Variants in EHBP1 observed in about 807,000 individuals in gnomAD.
EHBP1 encodes EH domain binding protein 1.
EHBP1 carries 55 observed loss-of-function variants against 144.0 expected under a neutral mutation model. The ratio of observed to expected loss-of-function variants is 0.38; its 90% CI spans 0.31 to 0.48. EHBP1 has a LOEUF of 0.48. Among genes scored for constraint, EHBP1 ranks in the 20% least tolerant of loss-of-function variants. The pLI, the probability that EHBP1 is intolerant of heterozygous loss-of-function variation, is 0.98. For synonymous variants in EHBP1, 469 were observed against 472.7 expected (o/e 0.99, Z 0.10); for missense variants, 1,200 against 1,364.2 (o/e 0.88, Z 1.90).
At position 62,762,233 on chromosome 2, in the gene EHBP1, T is replaced by C. The variant is rs145746940; in HGVS notation, c.163-2033T>C. 4.6e-5 allele frequency among the ~76,000 whole-genome samples: 7 copies of C among 152,376 alleles called. No individual in the cohort carries two copies. The East Asian group carries it at 1.3e-3, about 29-fold the overall frequency. On this transcript the variant is annotated intron_variant, in intron 3 of 22. Coordinates refer to ENST00000431489, the MANE Select transcript of EHBP1 (RefSeq NM_001142616.3). ...CACTCTTACCACTAGACTTTCAGGA[T>C]GCCACACTTTTGCTTCAACTGATGG...
intron 7 of EHBP1, among the ~76,000 whole-genome samples, chr2:62,836,813 A>G (rs2047300447): frequency 6.6e-6 from 1 of 151,024 alleles, no homozygotes; most frequent in Admixed American, 6.6e-5. Context: ...GAAATGAGCA[A>G]AGCCTCCAAG....
At chr2:63,022,886 A>G (rs541584781) in intron 19 of EHBP1, among the ~76,000 whole-genome samples, 1 of 152,286 alleles carries the variant, frequency 6.6e-6, no homozygotes, top group East Asian at 1.9e-4. Context: ...TTTTAAAAAC[A>G]TTAGAGGCCG....
chr2:62,986,725 C>T (rs1342376103), intron 15 of EHBP1, among the ~76,000 whole-genome samples: 3 of 152,144 alleles, frequency 2.0e-5, no homozygotes, highest in Non-Finnish European at 4.4e-5. Flanking sequence ...GCGTGAGCCA[C>T]CGCACCCAGT....
intron 3 of EHBP1, among the ~76,000 whole-genome samples, chr2:62,759,673 G>C (rs1352169451): frequency 6.6e-6 from 1 of 151,948 alleles, no homozygotes; most frequent in Non-Finnish European, 1.5e-5. Context: ...CAAAGTGCTG[G>C]AATTATAGGC....
chr2:62,745,340 G>T (rs2039051931), intron 2 of EHBP1, among the ~76,000 whole-genome samples: 1 of 147,516 alleles, frequency 6.8e-6, no homozygotes, highest in South Asian at 2.3e-4. Context: ...TGTCTAGGTT[G>T]TTATTGGGAA....
chr2:62,677,444 C>T (rs567655502), intron 1 of EHBP1, among the ~76,000 whole-genome samples: 2 of 152,006 alleles, frequency 1.3e-5, no homozygotes, highest in South Asian at 2.1e-4. Flanking sequence ...ATAATAATCA[C>T]GTTGGGTAAA....
chr2:62,906,627 C>G (rs1348407416), intron 10 of EHBP1, among the ~76,000 whole-genome samples: 1 of 152,088 alleles, frequency 6.6e-6, no homozygotes, highest in Non-Finnish European at 1.5e-5. Context: ...AGAAATAATA[C>G]AAAGAGATCC....
chr2:62,804,059 A>G (rs2044254734), intron 5 of EHBP1, among the ~76,000 whole-genome samples: 1 of 152,246 alleles, frequency 6.6e-6, no homozygotes, highest in Non-Finnish European at 1.5e-5. Flanking sequence ...TATAAAAAGT[A>G]GCTTCTATTG....
chr2:62,841,266 C>T (rs991157813), intron 7 of EHBP1, among the ~76,000 whole-genome samples: 52 of 147,708 alleles, frequency 3.5e-4, no homozygotes, highest in African/African-American at 2.0e-4. Flanking sequence ...CGCATATTCT[C>T]ACTCATAGGT....
At chr2:62,952,303 C>A (rs954500627) in intron 13 of EHBP1, among the ~76,000 whole-genome samples, 2 of 152,116 alleles carry the variant, frequency 1.3e-5, no homozygotes, top group Non-Finnish European at 2.9e-5. Context: ...GAATTTTGGA[C>A]AATTAAAAAT....
intron 19 of EHBP1, among the ~76,000 whole-genome samples, chr2:63,014,005 G>GT (rs2060381073): frequency 6.6e-6 from 1 of 152,170 alleles, no homozygotes; most frequent in African/African-American, 2.4e-5. Flanking sequence ...ATGTTTAGTG[G>GT]TTTTTTAATA....
chr2:62,717,954 G>T (rs1373017297), intron 2 of EHBP1, among the ~76,000 whole-genome samples: 3 of 152,112 alleles, frequency 2.0e-5, no homozygotes, highest in African/African-American at 7.2e-5. Context: ...TTTATTGGCG[G>T]CCAAGGCAAA....
At chr2:62,949,830 A>G (rs919757032) in intron 13 of EHBP1, among the ~76,000 whole-genome samples, 2 of 152,132 alleles carry the variant, frequency 1.3e-5, no homozygotes, top group African/African-American at 2.4e-5. Context: ...TACTGTTTTT[A>G]CTTGTATCTC....
At chr2:63,013,582 A>G (rs1001327666) in intron 19 of EHBP1, among the ~76,000 whole-genome samples, 15 of 152,166 alleles carry the variant, frequency 9.9e-5, no homozygotes, top group African/African-American at 3.6e-4. Context: ...CAAAACGACA[A>G]ACTAGGCAAA....
intron 1 of EHBP1, among the ~76,000 whole-genome samples, chr2:62,698,592 T>C (rs1260989420): frequency 6.6e-6 from 1 of 152,224 alleles, no homozygotes; most frequent in Non-Finnish European, 1.5e-5. Flanking sequence ...TGATGCATTA[T>C]TGGGAATATT....
At chr2:62,778,039 G>A (rs529127838) in intron 5 of EHBP1, among the ~76,000 whole-genome samples, 3 of 152,238 alleles carry the variant, frequency 2.0e-5, no homozygotes, top group African/African-American at 4.8e-5. Flanking sequence ...TTCGTCCTCC[G>A]TGAAGATCAG....
chr2:62,702,220 T>C (rs978188015), upstream of EHBP1, among the ~76,000 whole-genome samples: 10 of 152,270 alleles, frequency 6.6e-5, no homozygotes, highest in African/African-American at 2.4e-4. Flanking sequence ...CTTTGTATTC[T>C]ATCTTCATTT....
intron 3 of EHBP1, among the ~76,000 whole-genome samples, chr2:62,758,918 TTGTC>T (rs1338532740): frequency 2.6e-5 from 4 of 152,196 alleles, no homozygotes; most frequent in Non-Finnish European, 5.9e-5. Flanking sequence ...AAATTGAAAA[TTGTC>T]AGTTTAAAAA....
intron 19 of EHBP1, among the ~76,000 whole-genome samples, chr2:63,036,917 A>G (rs2061461840): frequency 6.6e-6 from 1 of 151,870 alleles, no homozygotes; most frequent in African/African-American, 2.4e-5. Flanking sequence ...ATGTTTTCTG[A>G]ACATCATGAT....
Sources: gnomAD v4.1 joint callset for allele counts (sites outside exome capture counted in the v4.1 genomes callset) on GRCh38, gnomAD v4.1.1 for gene constraint, MANE v1.5 for transcripts, NCBI Gene and HGNC (gene_info 2026-07-23, HGNC 2026-07-21) for gene names.